Variants in PRELID3A observed in about 807,000 individuals in gnomAD.
PRELID3A encodes PRELI domain containing 3A.
A neutral mutation model predicts 23.0 loss-of-function variants in PRELID3A; 27 were observed. That is an observed-to-expected ratio of 1.17 (90% CI 0.87 to 1.62). The LOEUF (loss-of-function observed/expected upper bound fraction) is 1.62. Among genes scored for constraint, PRELID3A ranks in the 40% most tolerant of loss-of-function variants. The probability of loss-of-function intolerance (pLI) is 0.00; values close to 1 mark genes in which losing one functional copy is unlikely to be tolerated. For missense variants in PRELID3A, 231 were observed against 231.4 expected, an observed-to-expected ratio of 1.00 and a Z score of 0.01; for synonymous variants, 87 against 86.4, an observed-to-expected ratio of 1.01 and a Z score of -0.04.
intron 1 of PRELID3A, among the ~76,000 whole-genome samples, chr18:12,417,905 C>T (rs946519047): frequency 3.9e-5 from 6 of 152,134 alleles, no homozygotes; most frequent in African/African-American, 1.4e-4. Context: ...TTGCATGGTT[C>T]AAAAAACTGA....
chr18:12,428,024 A>G (rs2143398191), intron 5 of PRELID3A, among the ~76,000 whole-genome samples: 1 of 152,318 alleles, frequency 6.6e-6, no homozygotes, highest in South Asian at 2.1e-4. Flanking sequence ...GCTATTCAGG[A>G]CTTATAGTAG....
At chr18:12,420,960 G>GCGTC (rs2030160692) in intron 2 of PRELID3A, among the ~76,000 whole-genome samples, 1 of 152,146 alleles carries the variant, frequency 6.6e-6, no homozygotes, top group South Asian at 2.1e-4. Context: ...CTAAAGCCCA[G>GCGTC]CGTCCGCAGC....
chr18:12,431,074 G>GTA (rs2030580927), intron 6 of PRELID3A, 76 bp from the exon 7 acceptor site: 2 of 107,466 alleles, frequency 1.9e-5, no homozygotes, highest in African/African-American at 6.5e-5. Context: ...TGTGTCATGA[G>GTA]TGTGGTTTAT....
intron 2 of PRELID3A, 25 bp downstream of exon 2, chr18:12,420,518 C>T (rs910191295): frequency 2.7e-6 from 4 of 1,487,332 alleles, no homozygotes; most frequent in South Asian, 2.7e-5. Flanking sequence ...GGCTGCGGCT[C>T]CGAACGCGCC....
chr18:12,426,325 C>A (rs185464117), intron 3 of PRELID3A, among the ~76,000 whole-genome samples: 1 of 151,204 alleles, frequency 6.6e-6, no homozygotes, highest in East Asian at 2.0e-4. Flanking sequence ...GAGGCCAAGG[C>A]GGGCGGATCA....
chr18:12,413,591 AT>A (rs1555676212), intron 1 of PRELID3A, among the ~76,000 whole-genome samples: 1 of 151,474 alleles, frequency 6.6e-6, no homozygotes, highest in Non-Finnish European at 1.5e-5. Context: ...TTATTTATTT[AT>A]TTTTTTTCCA....
intron 1 of PRELID3A, among the ~76,000 whole-genome samples, chr18:12,415,467 G>A (rs1264177528): frequency 2.0e-5 from 3 of 151,858 alleles, no homozygotes; most frequent in Admixed American, 6.6e-5. Flanking sequence ...ACCATGTTGG[G>A]CAGGCTGTTC....
chr18:12,411,310 A>AT lies in PRELID3A; in HGVS notation c.32+3303_32+3304insT, dbSNP rs577638740. The stretch of plus-strand genomic sequence containing the variant: ...TGTCTCTACTAAAAAATAAAAAAAA[A>AT]AAAAAATTAGCTGGGCGTGGTGGCG... On this transcript the variant is annotated intron_variant, in intron 1 of 6. Transcript: ENST00000440960. Among the ~76,000 whole-genome samples the AT allele has an allele frequency of 1.9e-3, 287 of 151,850 alleles. 2 individuals are homozygous for AT. Among genetic ancestry groups the AT allele is most frequent in the South Asian group, 7.7e-3 (37 of 4,806 alleles).
intron 1 of PRELID3A, among the ~76,000 whole-genome samples, chr18:12,411,707 G>T (rs958319753): frequency 2.0e-5 from 3 of 152,132 alleles, no homozygotes; most frequent in Non-Finnish European, 4.4e-5. Context: ...TTGCCTTACA[G>T]CTAGGAGCAG....
intron 1 of PRELID3A, among the ~76,000 whole-genome samples, chr18:12,408,301 C>A (rs947564620): frequency 6.6e-6 from 1 of 151,506 alleles, no homozygotes; most frequent in African/African-American, 2.4e-5. Flanking sequence ...AGGGCGGGGG[C>A]AGCCGGAGCG....
chr18:12,416,241 G>C (rs1040942688), intron 1 of PRELID3A, among the ~76,000 whole-genome samples: 1 of 152,148 alleles, frequency 6.6e-6, no homozygotes, highest in Admixed American at 6.6e-5. Context: ...AATATTGCCA[G>C]ACTTGTCTAT....
intron 1 of PRELID3A, among the ~76,000 whole-genome samples, chr18:12,409,384 C>T (rs1339730995): frequency 1.3e-5 from 2 of 152,024 alleles, no homozygotes; most frequent in East Asian, 3.9e-4. Flanking sequence ...CCAGGCTGGT[C>T]TCGAGCTCCT....
rs1321524488 is a variant in PRELID3A at position 12,427,341 on chromosome 18, A to G, written c.465+18A>G. 1 of 1,539,784 alleles carries G rather than the reference A, an allele frequency of 6.5e-7. No homozygotes were observed. Among genetic ancestry groups the G allele is most frequent in the Non-Finnish European group, 9.0e-7 (1 of 1,113,844 alleles). ...CAAAGAAGGTATGTATCTCAATCCTAGGAGTCCTGTGTGTGCTCTAGTTGT... is the reference window on the plus strand; with the variant it reads ...CAAAGAAGGTATGTATCTCAATCCTGGGAGTCCTGTGTGTGCTCTAGTTGT... On this transcript the variant is annotated intron_variant, in intron 5 of 6. Transcript: ENST00000440960.
chr18:12,426,581 A>C (rs957665218), intron 3 of PRELID3A, among the ~76,000 whole-genome samples: 1 of 142,644 alleles, frequency 7.0e-6, no homozygotes, highest in African/African-American at 2.6e-5. Flanking sequence ...AAATATGTAC[A>C]TAAGGAGTTA....
chr18:12,421,306 C>T (rs551389300), intron 2 of PRELID3A: 1 of 505,216 alleles, frequency 2.0e-6, no homozygotes, highest in Non-Finnish European at 3.5e-6. Context: ...TTTATTTTGC[C>T]GGGAGCATAG....
At chr18:12,419,925 T>A (rs984890768) in intron 1 of PRELID3A, 21 of 184,188 alleles carry the variant, frequency 1.1e-4, no homozygotes, top group African/African-American at 4.3e-4. Context: ...CAAGACTCCG[T>A]CTCAAACAAA....
At chr18:12,417,796 ACTGAATTC>A (rs2030012333) in intron 1 of PRELID3A, among the ~76,000 whole-genome samples, 1 of 152,170 alleles carries the variant, frequency 6.6e-6, no homozygotes, top group Admixed American at 6.5e-5. Flanking sequence ...CTCCACTCTG[ACTGAATTC>A]CTAGAGTGAT....
intron 2 of PRELID3A, 136 bp downstream of exon 2, chr18:12,420,629 G>T (rs2030140611): frequency 5.3e-6 from 5 of 937,650 alleles, no homozygotes; most frequent in South Asian, 4.3e-5. Context: ...GCGGCGGGGG[G>T]CCTTTCCTGA....
chr18:12,413,815 C>T (rs550682810), intron 1 of PRELID3A, among the ~76,000 whole-genome samples: 21 of 152,300 alleles, frequency 1.4e-4, no homozygotes, highest in South Asian at 6.2e-4. Context: ...AACTCCTAAC[C>T]TCAGGTGATC....
Sources: allele counts gnomAD v4.1 joint callset (sites outside exome capture counted in the v4.1 genomes callset), GRCh38; gene constraint gnomAD v4.1.1; transcripts MANE v1.5; gene names NCBI Gene and HGNC (gene_info 2026-07-23, HGNC 2026-07-21).